Variants in SNX29 observed in about 807,000 individuals in gnomAD.
SNX29 encodes sorting nexin-29.
SNX29 carries 78 observed loss-of-function variants against 102.1 expected under a neutral mutation model. The observed-to-expected ratio is 0.76, with a 90% CI of 0.64 to 0.92. The LOEUF is 0.92. Ranked by LOEUF, SNX29 falls within the 40% of genes least tolerant of loss-of-function variation. The pLI is 0.00. For synonymous variants in SNX29, 580 were observed against 414.5 expected (o/e 1.40, Z -4.85); for missense variants, 1,280 against 1,061.7 (o/e 1.21, Z -2.86).
intron 13 of SNX29, among the ~76,000 whole-genome samples, chr16:12,177,897 G>C (rs553425194): frequency 3.3e-5 from 5 of 152,140 alleles, no homozygotes; most frequent in South Asian, 4.1e-4. Context: ...TTAGGTTCTT[G>C]TTGGGAGAAC....
intron 10 of SNX29, 42 bp downstream of exon 10, chr16:12,069,174 C>T (rs1329544972): frequency 6.5e-7 from 1 of 1,529,428 alleles, no homozygotes; most frequent in East Asian, 2.3e-5. Flanking sequence ...ATTAAAACAT[C>T]CTATTCACAG....
At chr16:12,324,211 A>G (rs2081047165) in intron 15 of SNX29, among the ~76,000 whole-genome samples, 1 of 151,570 alleles carries the variant, frequency 6.6e-6, no homozygotes, top group East Asian at 2.0e-4. Context: ...TGAGGACAGC[A>G]TCCTTGGAGC....
At chr16:12,079,186 C>T (rs1396302094) in intron 11 of SNX29, among the ~76,000 whole-genome samples, 2 of 152,212 alleles carry the variant, frequency 1.3e-5, no homozygotes, top group East Asian at 1.9e-4. Flanking sequence ...GGGTTTGCCT[C>T]CCATAATGCA....
chr16:12,035,981 T>A (rs1354643901), intron 4 of SNX29, among the ~76,000 whole-genome samples: 2 of 152,218 alleles, frequency 1.3e-5, no homozygotes, highest in Non-Finnish European at 2.9e-5. Flanking sequence ...GGTTGGAGAT[T>A]TTGGCCTGAC....
At chr16:12,562,736 A>C (rs1219469620) in intron 20 of SNX29, among the ~76,000 whole-genome samples, 1 of 152,154 alleles carries the variant, frequency 6.6e-6, no homozygotes, top group African/African-American at 2.4e-5. Context: ...TCTCGCTTTT[A>C]TGGCATAGTT....
chr16:12,555,215 G>A (rs1052816735), intron 20 of SNX29, among the ~76,000 whole-genome samples: 5 of 151,868 alleles, frequency 3.3e-5, no homozygotes, highest in Admixed American at 1.3e-4. Context: ...ATGGGCAGCT[G>A]CTGGGTACAG....
At chr16:12,379,330 C>T (rs1214818278) in intron 16 of SNX29, among the ~76,000 whole-genome samples, 1 of 152,080 alleles carries the variant, frequency 6.6e-6, no homozygotes, top group African/African-American at 2.4e-5. Flanking sequence ...GTATGTTGCC[C>T]AGGTTGATCT....
chr16:12,006,108 G>A (rs929868295), intron 3 of SNX29, among the ~76,000 whole-genome samples: 3 of 152,030 alleles, frequency 2.0e-5, no homozygotes, highest in Non-Finnish European at 2.9e-5. Context: ...GGAGGCTGAG[G>A]TAGGAGGATT....
At chr16:12,548,492 A>C (rs1232677345) in intron 20 of SNX29, among the ~76,000 whole-genome samples, 1 of 152,164 alleles carries the variant, frequency 6.6e-6, no homozygotes, top group African/African-American at 2.4e-5. Context: ...ATGACTAGTC[A>C]GGGTTGTCTT....
intron 19 of SNX29, among the ~76,000 whole-genome samples, chr16:12,485,538 C>T (rs1028742484): frequency 6.6e-6 from 1 of 152,122 alleles, no homozygotes. Flanking sequence ...TGGTACTCGC[C>T]GAGCCGTGGG....
In SNX29 at chr16:12,445,207, A is replaced by G. The variant is rs118162142; in HGVS notation, c.2038-32512A>G. Among the ~76,000 whole-genome samples the G allele has an allele frequency of 1.7e-4, 26 of 151,644 alleles. No homozygotes were observed. In the East Asian group the frequency reaches 4.8e-3, roughly 28 times the overall value. On this transcript the variant is annotated intron_variant, in intron 18 of 20. Coordinates refer to ENST00000566228, the MANE Select transcript of SNX29 (RefSeq NM_032167.5). ...TATTGTAGTGCAGCCATGTCCATTCATTAATTTAATGTCTGTGGCTGCTTT... is the reference window on the plus strand; with the variant it reads ...TATTGTAGTGCAGCCATGTCCATTCGTTAATTTAATGTCTGTGGCTGCTTT...
intron 11 of SNX29, chr16:12,089,927 C>G: frequency 3.5e-6 from 1 of 286,224 alleles, no homozygotes; most frequent in Non-Finnish European, 6.9e-6. Context: ...CCTGAGTTGA[C>G]TTAGCGGCCA....
chr16:12,088,330 T>G (rs1296914343), intron 11 of SNX29: 1 of 357,588 alleles, frequency 2.8e-6, no homozygotes, highest in Non-Finnish European at 5.5e-6. Context: ...AGGTGCCACG[T>G]TGCCAGGTGT....
intron 18 of SNX29, among the ~76,000 whole-genome samples, chr16:12,471,052 C>T (rs1459291221): frequency 6.6e-6 from 1 of 152,192 alleles, no homozygotes; most frequent in African/African-American, 2.4e-5. Context: ...AGCTGTGCGC[C>T]TTCACACTGC....
chr16:12,541,871 A>G (rs572681444), intron 20 of SNX29, among the ~76,000 whole-genome samples: 2 of 152,076 alleles, frequency 1.3e-5, no homozygotes, highest in South Asian at 2.1e-4. Flanking sequence ...AAACCAGTCA[A>G]TGCTTGATGA....
At chr16:12,533,358 G>T (rs1330027956) in intron 20 of SNX29, among the ~76,000 whole-genome samples, 1 of 152,190 alleles carries the variant, frequency 6.6e-6, no homozygotes, top group East Asian at 1.9e-4. Flanking sequence ...TAGCTTAGAT[G>T]CTAAGAGGCT....
intron 18 of SNX29, among the ~76,000 whole-genome samples, chr16:12,463,817 AGT>A (rs143006476): frequency 0.074 from 10,563 of 143,076 alleles, 784 homozygotes; most frequent in African/African-American, 0.2. Context: ...TCCCGAAGTG[AGT>A]GTGTGTGTGT....
At chr16:12,060,038 A>G (rs1169713931) in intron 8 of SNX29, among the ~76,000 whole-genome samples, 2 of 152,196 alleles carry the variant, frequency 1.3e-5, no homozygotes, top group Non-Finnish European at 2.9e-5. Flanking sequence ...TGAGATACAG[A>G]ATGATGTTTA....
chr16:12,566,961 A>T (rs1182429356), intron 20 of SNX29, among the ~76,000 whole-genome samples: 2 of 152,214 alleles, frequency 1.3e-5, no homozygotes, highest in Non-Finnish European at 2.9e-5. Context: ...GAAACGAGGG[A>T]TCTCACTCGC....
Sources: gnomAD v4.1 joint callset for allele counts (sites outside exome capture counted in the v4.1 genomes callset) on GRCh38, gnomAD v4.1.1 for gene constraint, MANE v1.5 for transcripts, NCBI Gene and HGNC (gene_info 2026-07-23, HGNC 2026-07-21) for gene names.